The following SYNJ1 variants were observed in gnomAD, a reference collection of about 807,000 sequenced individuals.
SYNJ1 encodes the protein polyphosphatidylinositol phosphatase SYNJ1.
SYNJ1 carries 78 observed loss-of-function variants against 168.2 expected under a neutral mutation model. The observed-to-expected ratio is 0.46, with a 90% confidence interval of 0.39 to 0.56. The LOEUF is 0.56. Among genes scored for constraint, SYNJ1 ranks in the 20% least tolerant of loss-of-function variants. SYNJ1 has a pLI of 0.00. For missense variants in SYNJ1, 1,303 were observed against 1,597.6 expected (o/e 0.82, Z 3.14); for synonymous variants, 539 against 548.6 (o/e 0.98, Z 0.24).
chr21:32,709,384 G>A (rs2042733310), intron 2 of SYNJ1, among the ~76,000 whole-genome samples: 1 of 146,716 alleles, frequency 6.8e-6, no homozygotes, highest in Non-Finnish European at 1.5e-5. Flanking sequence ...GGCTACGGCA[G>A]GAGAATCACT....
Position 32,661,421 on chromosome 21 carries a change from G to A in SYNJ1, c.2304+3492C>T, listed in dbSNP as rs907812129. ...AACAAGTATTTGCTGGTTCTTGTGT[G>A]TACTTACTCTGGGTGGGTGGAGGCT... On this transcript the variant is annotated intron_variant, in intron 18 of 32. Coordinates refer to ENST00000674351, the MANE Select transcript of SYNJ1 (RefSeq NM_203446.3). Among the ~76,000 whole-genome samples the A allele has an allele frequency of 5.3e-4, 80 of 152,170 alleles. 2 individuals carry two copies. The highest frequency in any genetic ancestry group is 2.1e-4 in the Non-Finnish European group (14 of 68,046).
chr21:32,689,485 C>A (rs1325675630), intron 6 of SYNJ1, among the ~76,000 whole-genome samples: 2 of 152,168 alleles, frequency 1.3e-5, no homozygotes, highest in African/African-American at 4.8e-5. Flanking sequence ...TTAGTAGAGA[C>A]AGGGTTTCGC....
intron 2 of SYNJ1, among the ~76,000 whole-genome samples, chr21:32,710,398 G>C (rs1344106955): frequency 6.6e-6 from 1 of 152,154 alleles, no homozygotes; most frequent in African/African-American, 2.4e-5. Context: ...TCAGAAAGGA[G>C]AGAGATAACT....
At chr21:32,667,490 A>T (rs1477051258) in intron 15 of SYNJ1, among the ~76,000 whole-genome samples, 1 of 152,204 alleles carries the variant, frequency 6.6e-6, no homozygotes, top group African/African-American at 2.4e-5. Context: ...TTTATTAAAA[A>T]AAAATCTTCT....
rs868533785 is a variant in SYNJ1 at position 32,668,022 on chromosome 21, T to C, written c.1812-1449A>G. Among the ~76,000 whole-genome samples, 313 of 149,432 alleles carry C rather than the reference T, an allele frequency of 2.1e-3. 2 individuals are homozygous for C. In the Middle Eastern group the frequency reaches 0.028, roughly 13 times the overall value. On this transcript the variant is annotated intron_variant, in intron 15 of 32. Transcript: ENST00000674351. ...AGAAGAATATATATGTGTGTGTGTG[T>C]GTGTGTGTGTGTGTGTGTGTGTGTG...
intron 32 of SYNJ1, among the ~76,000 whole-genome samples, chr21:32,632,163 T>A (rs2039355839): frequency 6.6e-6 from 1 of 152,252 alleles, no homozygotes; most frequent in South Asian, 2.1e-4. Context: ...TCCATACTTA[T>A]AACTTATGCT....
chr21:32,650,396 A>G (rs2040233356), intron 22 of SYNJ1, 50 bp from the exon 23 acceptor site: 2 of 1,526,270 alleles, frequency 1.3e-6, no homozygotes, highest in Non-Finnish European at 1.8e-6. Flanking sequence ...AAAGCTAACT[A>G]ATTTGGAATA....
At chr21:32,696,470 T>TCCC (rs1430537543) in intron 4 of SYNJ1, among the ~76,000 whole-genome samples, 1 of 152,184 alleles carries the variant, frequency 6.6e-6, no homozygotes, top group African/African-American at 2.4e-5. Flanking sequence ...CTCAGGGATC[T>TCCC]CTCCTGGAAC....
chr21:32,714,721 T>C (rs531038688), intron 2 of SYNJ1, among the ~76,000 whole-genome samples: 2 of 152,208 alleles, frequency 1.3e-5, no homozygotes, highest in Non-Finnish European at 2.9e-5. Flanking sequence ...ATTCCAACTC[T>C]TCCTCATTTG....
chr21:32,672,530 G>A (rs1209436896), intron 14 of SYNJ1, among the ~76,000 whole-genome samples: 1 of 151,966 alleles, frequency 6.6e-6, no homozygotes, highest in African/African-American at 2.4e-5. Context: ...AGTAGAGACG[G>A]AGTTTCACCA....
chr21:32,680,210 T>C (rs936758322), intron 11 of SYNJ1, among the ~76,000 whole-genome samples: 2 of 152,140 alleles, frequency 1.3e-5, no homozygotes, highest in African/African-American at 4.8e-5. Flanking sequence ...AAAGAAACTT[T>C]GCAGGTAAGG....
intron 18 of SYNJ1, among the ~76,000 whole-genome samples, chr21:32,661,167 G>A (rs1468877889): frequency 6.6e-6 from 1 of 152,224 alleles, no homozygotes; most frequent in Non-Finnish European, 1.5e-5. Context: ...TACTGGCCAT[G>A]CATGAAACCA....
chr21:32,657,397 A>G (rs1361639219), intron 19 of SYNJ1, among the ~76,000 whole-genome samples: 1 of 152,274 alleles, frequency 6.6e-6, no homozygotes, highest in Non-Finnish European at 1.5e-5. Flanking sequence ...AAACAATTCA[A>G]GAGACAAGTG....
intron 22 of SYNJ1, among the ~76,000 whole-genome samples, chr21:32,652,311 C>T (rs1158444708): frequency 2.6e-5 from 4 of 151,920 alleles, no homozygotes; most frequent in South Asian, 2.1e-4. Flanking sequence ...AGTGATTCTG[C>T]TGCCTCAGTC....
At chr21:32,727,096 C>A (rs1449516915) in intron 1 of SYNJ1, among the ~76,000 whole-genome samples, 179 bp from the exon 2 acceptor site, 2 of 152,034 alleles carry the variant, frequency 1.3e-5, no homozygotes, top group African/African-American at 4.8e-5. Context: ...TTAATTTTAC[C>A]AAAAAGCAAG....
At chr21:32,640,167 G>C (rs998476882) in intron 29 of SYNJ1, among the ~76,000 whole-genome samples, 2 of 152,180 alleles carry the variant, frequency 1.3e-5, no homozygotes, top group African/African-American at 2.4e-5. Context: ...TGCAGGGCTA[G>C]GGTTCTTAAC....
intron 23 of SYNJ1, among the ~76,000 whole-genome samples, chr21:32,647,268 C>G (rs2040110437): frequency 6.6e-6 from 1 of 152,248 alleles, no homozygotes; most frequent in Non-Finnish European, 1.5e-5. Context: ...TCTACCCCCA[C>G]TTGCTACAGT....
chr21:32,633,959 A>G (rs1295107309), intron 32 of SYNJ1, among the ~76,000 whole-genome samples: 11 of 152,206 alleles, frequency 7.2e-5, no homozygotes, highest in African/African-American at 2.7e-4. Flanking sequence ...AAATTTATAT[A>G]GATATTATAA....
At chr21:32,683,373 G>C (rs1433019213) in intron 10 of SYNJ1, among the ~76,000 whole-genome samples, 1 of 151,492 alleles carries the variant, frequency 6.6e-6, no homozygotes, top group Non-Finnish European at 1.5e-5. Flanking sequence ...TGCAAACAGC[G>C]ACCTTATCAG....
Sources: allele counts gnomAD v4.1 joint callset (sites outside exome capture counted in the v4.1 genomes callset), GRCh38; gene constraint gnomAD v4.1.1; transcripts MANE v1.5; gene names NCBI Gene and HGNC (gene_info 2026-07-23, HGNC 2026-07-21).